NR1D2: variants seen among roughly 807,000 people sequenced by gnomAD.
The protein encoded by NR1D2 is nuclear receptor subfamily 1 group D member 2.
Under a neutral mutation model 52.2 loss-of-function variants are expected in NR1D2, and 25 were observed. That is an observed-to-expected ratio of 0.48 (90% CI 0.35 to 0.67). The LOEUF (loss-of-function observed/expected upper bound fraction) is 0.67. Among genes scored for constraint, NR1D2 ranks in the 30% least tolerant of loss-of-function variants. The pLI, the probability that NR1D2 is intolerant of heterozygous loss-of-function variation, is 0.01. For missense variants in NR1D2, 681 were observed against 707.2 expected (o/e 0.96, Z 0.42); for synonymous variants, 259 against 230.1 (o/e 1.13, Z -1.14).
At chr3:23,953,264 AC>A (rs1258954303) in intron 1 of NR1D2, among the ~76,000 whole-genome samples, 1 of 139,804 alleles carries the variant, frequency 7.2e-6, no homozygotes, top group African/African-American at 2.7e-5. Flanking sequence ...AATTGCTTGG[AC>A]CCAGGAGGTG....
chr3:23,947,484 T>C (rs1218506416), intron 1 of NR1D2, among the ~76,000 whole-genome samples: 1 of 152,222 alleles, frequency 6.6e-6, no homozygotes, highest in Non-Finnish European at 1.5e-5. Context: ...GTGAACAGGC[T>C]CTTGTGGAAG....
intron 6 of NR1D2, 137 bp downstream of exon 6, chr3:23,965,299 G>A: frequency 3.1e-6 from 2 of 637,964 alleles, no homozygotes; most frequent in Non-Finnish European, 2.5e-6. Context: ...GAGTGCAGCA[G>A]CGCGATCATA....
At chr3:23,973,801 T>G (rs903359738) in intron 7 of NR1D2, among the ~76,000 whole-genome samples, 1 of 152,132 alleles carries the variant, frequency 6.6e-6, no homozygotes, top group African/African-American at 2.4e-5. Flanking sequence ...AATATTTTCT[T>G]TATATCCTTA....
At position 23,957,390 on chromosome 3, in the gene NR1D2, C is replaced by CTTTT. The variant is rs201651739; in HGVS notation, c.372+1287_372+1290dup. Among the ~76,000 whole-genome samples the CTTTT allele has an allele frequency of 1.7e-3, 185 of 110,510 alleles. 5 individuals carry two copies. Among genetic ancestry groups the CTTTT allele is most frequent in the African/African-American group, 6.4e-3 (179 of 27,852 alleles). The allele number at this position is 110,510 out of a possible 152,430, so 72.5% of individuals were successfully genotyped here. On this transcript the variant is annotated intron_variant, in intron 3 of 7. Transcript: ENST00000312521. ...AAAAAGATTCTCCTTCTCTATATATCTTTTTTTTTTTTTTTTTTTTTTTTT... is the reference window on the plus strand; with the variant it reads ...AAAAAGATTCTCCTTCTCTATATATCTTTTTTTTTTTTTTTTTTTTTTTTTTTTT...
chr3:23,976,506 C>T (rs1706727239), intron 7 of NR1D2, among the ~76,000 whole-genome samples: 1 of 152,174 alleles, frequency 6.6e-6, no homozygotes, highest in Admixed American at 6.6e-5. Flanking sequence ...GAGTTCCTTG[C>T]AAGCTGTTGG....
chr3:23,971,601 T>G (rs974397199), intron 7 of NR1D2, among the ~76,000 whole-genome samples: 1 of 152,170 alleles, frequency 6.6e-6, no homozygotes, highest in African/African-American at 2.4e-5. Context: ...GTATAACTTA[T>G]AAATAAAAGT....
At chr3:23,974,025 G>C (rs964900793) in intron 7 of NR1D2, among the ~76,000 whole-genome samples, 1 of 142,328 alleles carries the variant, frequency 7.0e-6, no homozygotes, top group African/African-American at 2.6e-5. Context: ...ATATTTCTAT[G>C]ATAACAATGC....
chr3:23,956,692 A>G (rs1044810195), intron 3 of NR1D2, among the ~76,000 whole-genome samples: 10 of 152,192 alleles, frequency 6.6e-5, no homozygotes, highest in African/African-American at 1.9e-4. Context: ...TTAGTTGACT[A>G]TTTTCTAGTT....
chr3:23,954,441 G>A (rs960362327), intron 1 of NR1D2, 96 bp from the exon 2 acceptor site: 11 of 1,018,326 alleles, frequency 1.1e-5, no homozygotes, highest in Non-Finnish European at 1.6e-5. Flanking sequence ...TCAGTATCCT[G>A]TTTCTAAAGT....
rs1468868760 is a variant in NR1D2, at chr3:23,962,137, G to C, written c.678G>C (p.Gln226His). 2.5e-6 allele frequency: 4 copies of C among 1,614,026 alleles called. No homozygotes were observed. Among genetic ancestry groups the C allele is most frequent in the South Asian group, 1.1e-5 (1 of 91,088 alleles). The part of the protein sequence containing the change: ...HEQTALPAQE[Q>H]LRPKPQLEQE... ...AGACAGCCTTGCCAGCCCAGGAACA[G>C]CTGCGACCCAAGCCCCAACTGGAGC... is the stretch of plus-strand genomic sequence containing the variant. Residue 226 changes from glutamine to histidine, a missense_variant, in exon 5 of 8, where the codon CAG becomes CAC. By Grantham distance (24) the Gln-to-His change is conservative (BLOSUM62 0). Coordinates refer to ENST00000312521, the MANE Select transcript of NR1D2 (RefSeq NM_005126.5).
chr3:23,948,505 G>A (rs1195242623), intron 1 of NR1D2, among the ~76,000 whole-genome samples: 3 of 152,172 alleles, frequency 2.0e-5, no homozygotes, highest in Non-Finnish European at 4.4e-5. Context: ...TAAAAAATGA[G>A]GTGAATAATG....
chr3:23,959,381 T>G (rs1015964534), intron 3 of NR1D2, among the ~76,000 whole-genome samples: 1 of 151,700 alleles, frequency 6.6e-6, no homozygotes, highest in Non-Finnish European at 1.5e-5. Flanking sequence ...CAGGGTAGTG[T>G]GGTTGTTGCA....
At chr3:23,955,857 C>T (rs1243224636) in intron 2 of NR1D2, among the ~76,000 whole-genome samples, 180 bp from the exon 3 acceptor site, 1 of 152,062 alleles carries the variant, frequency 6.6e-6, no homozygotes, top group East Asian at 1.9e-4. Flanking sequence ...AAAAAAACAC[C>T]GTAAGAAAAT....
chr3:23,974,579 A>C (rs1706676725), intron 7 of NR1D2, among the ~76,000 whole-genome samples: 1 of 152,170 alleles, frequency 6.6e-6, no homozygotes, highest in South Asian at 2.1e-4. Context: ...AGTAACCAGT[A>C]CATATGTTTA....
In NR1D2 at chr3:23,945,985, C is replaced by A. The variant is rs1045276976; in HGVS notation, c.16+391C>A. The A allele has an allele frequency of 2.7e-5, 14 of 523,380 alleles. No homozygotes were observed. In the African/African-American group the frequency reaches 2.7e-4, roughly 10 times the overall value. The allele number at this position is 523,380 out of a possible 1,614,324, so 32.4% of individuals were successfully genotyped here. On this transcript the variant is annotated intron_variant, in intron 1 of 7. Coordinates refer to ENST00000312521, the MANE Select transcript of NR1D2 (RefSeq NM_005126.5). ...CGGGGACACGTGAGGCCGCTCGGCT[C>A]CCTGACCCACATTCCCCGGGGCCGC...
chr3:23,975,530 C>G (rs982048262), intron 7 of NR1D2, among the ~76,000 whole-genome samples: 1 of 152,050 alleles, frequency 6.6e-6, no homozygotes, highest in African/African-American at 2.4e-5. Flanking sequence ...CCAGCACTTT[C>G]GGAGGCCGAG....
chr3:23,970,185 A>G (rs1388731292), intron 7 of NR1D2, among the ~76,000 whole-genome samples: 1 of 152,200 alleles, frequency 6.6e-6, no homozygotes, highest in African/African-American at 2.4e-5. Flanking sequence ...CATTAGTGCT[A>G]GAGAGTTAGG....
At chr3:23,949,343 T>A (rs190456845) in intron 1 of NR1D2, among the ~76,000 whole-genome samples, 1 of 151,710 alleles carries the variant, frequency 6.6e-6, no homozygotes, top group African/African-American at 2.4e-5. Context: ...CCATCCTGGG[T>A]GACAGAGCGA....
chr3:23,962,392 T>G lies in NR1D2; in HGVS notation c.933T>G (p.Cys311Trp), dbSNP rs1451001574. The G allele has an allele frequency of 6.2e-7, 1 of 1,614,028 alleles. No individual in the cohort carries two copies. The highest frequency in any genetic ancestry group is 1.3e-5 in the African/African-American group (1 of 74,926). Residue 311 changes from cysteine (C) to tryptophan (W), a missense_variant, in exon 5 of 8, where the codon TGT (cysteine) becomes TGG (tryptophan). Around this residue, in one of 3 missense-constraint regions of NR1D2, gnomAD observed 475 missense variants for 454.5 expected, o/e 1.05. Transcript: ENST00000312521. Reference protein sequence around the residue: ...CGNGLSSHFPCSESQQHLNGQ... With the variant: ...CGNGLSSHFPWSESQQHLNGQ... ...ATGGGCTTAGCAGCCATTTTCCCTG[T>G]AGTGAGAGCCAGCAGCATCTCAATG...
Sources: gnomAD v4.1 joint callset for allele counts (sites outside exome capture counted in the v4.1 genomes callset) on GRCh38, gnomAD v4.1.1 for gene constraint, gnomAD v4.1.1 regional missense constraint, MANE v1.5 for transcripts, NCBI Gene and HGNC (gene_info 2026-07-23, HGNC 2026-07-21) for gene names.